The following FANCA variants were observed in gnomAD, a reference collection of about 807,000 sequenced individuals.
FANCA encodes the protein Fanconi anemia group A protein.
A neutral mutation model predicts 194.3 loss-of-function variants in FANCA; 236 were observed. That is an observed-to-expected ratio of 1.21 (90% CI 1.09 to 1.35). FANCA has a LOEUF of 1.35. Among genes scored for constraint, FANCA ranks in the 40% most tolerant of loss-of-function variants. The probability of loss-of-function intolerance (pLI) is 0.00; values close to 1 mark genes in which losing one functional copy is unlikely to be tolerated. For synonymous variants in FANCA, 1,014 were observed against 715.8 expected (o/e 1.42, Z -6.65); for missense variants, 2,628 against 1,813.9 (o/e 1.45, Z -8.15).
At chr16:89,762,783 A>G in intron 28 of FANCA, 1 of 451,164 alleles carries the variant, frequency 2.2e-6, no homozygotes, top group Non-Finnish European at 4.4e-6. Context: ...GGTGCACATC[A>G]CCATGACCAG....
chr16:89,812,104 G>C (rs1395991965), intron 3 of FANCA, among the ~76,000 whole-genome samples: 3 of 150,370 alleles, frequency 2.0e-5, no homozygotes, highest in African/African-American at 7.3e-5. Flanking sequence ...GGGAGGCCGA[G>C]GCGGGCGGAT....
At chr16:89,743,615 G>A (rs1598064630) in intron 36 of FANCA, among the ~76,000 whole-genome samples, 1 of 152,116 alleles carries the variant, frequency 6.6e-6, no homozygotes, top group East Asian at 1.9e-4. Context: ...CCTGAGGTCG[G>A]GAGTTCGAGA....
chr16:89,796,750 C>T (rs953957212), intron 10 of FANCA, among the ~76,000 whole-genome samples: 8 of 152,136 alleles, frequency 5.3e-5, no homozygotes, highest in Non-Finnish European at 1.2e-4. Flanking sequence ...CAGCCGGGCA[C>T]GGTGGCTCAT....
chr16:89,799,467 G>C (rs2040365092), intron 9 of FANCA, 138 bp downstream of exon 9: 2 of 1,006,224 alleles, frequency 2.0e-6, no homozygotes, highest in South Asian at 1.3e-5. Context: ...GCCAAAACAA[G>C]GGCATTCCAG....
chr16:89,786,550 C>T (rs1020061299), intron 14 of FANCA, among the ~76,000 whole-genome samples: 2 of 152,132 alleles, frequency 1.3e-5, no homozygotes, highest in Non-Finnish European at 2.9e-5. Context: ...CTCCTGACCT[C>T]AAGTGATCCA....
At chr16:89,757,419 G>A (rs1354154348) in intron 30 of FANCA, among the ~76,000 whole-genome samples, 2 of 152,190 alleles carry the variant, frequency 1.3e-5, no homozygotes, top group East Asian at 1.9e-4. Context: ...TAAGAAGGAA[G>A]GGTATGCTGA....
chr16:89,765,179 A>C, intron 27 of FANCA, 113 bp from the exon 28 acceptor site: 10 of 1,225,928 alleles, frequency 8.2e-6, no homozygotes, highest in Middle Eastern at 2.0e-4. Flanking sequence ...ACAACCCCAC[A>C]TTCAGAGGAC....
At chr16:89,747,075 G>A (rs1163594862) in intron 33 of FANCA, among the ~76,000 whole-genome samples, 185 bp from the exon 34 acceptor site, 2 of 152,184 alleles carry the variant, frequency 1.3e-5, no homozygotes, top group South Asian at 2.1e-4. Context: ...GAAACTTAAC[G>A]GCTTCCCTGG....
At chr16:89,744,345 C>T (rs17227256) in intron 36 of FANCA, among the ~76,000 whole-genome samples, 16 of 152,188 alleles carry the variant, frequency 1.1e-4, no homozygotes, top group African/African-American at 3.1e-4. Flanking sequence ...CTTAAGAACA[C>T]GGCACCCACA....
intron 30 of FANCA, among the ~76,000 whole-genome samples, chr16:89,758,246 A>C (rs767330971): frequency 1.3e-5 from 2 of 152,212 alleles, no homozygotes; most frequent in African/African-American, 4.8e-5. Flanking sequence ...TAGATTTGCT[A>C]TGTGATAGGC....
chr16:89,744,834 C>T, intron 36 of FANCA, 125 bp downstream of exon 36: 1 of 876,920 alleles, frequency 1.1e-6, no homozygotes, highest in Non-Finnish European at 1.8e-6. Context: ...TTCTTTTCTC[C>T]CTGCTCACAC....
chr16:89,782,240 G>A (rs937916435), intron 17 of FANCA, among the ~76,000 whole-genome samples: 1 of 149,312 alleles, frequency 6.7e-6, no homozygotes, highest in African/African-American at 2.5e-5. Context: ...AGCCAGGCGT[G>A]GTGGCGGGCG....
At chr16:89,807,449 T>A (rs951148596) in intron 6 of FANCA, among the ~76,000 whole-genome samples, 4 of 149,982 alleles carry the variant, frequency 2.7e-5, no homozygotes, top group African/African-American at 9.8e-5. Flanking sequence ...CAGGTCTCTG[T>A]CTCAAAAAGA....
At chr16:89,815,813 G>T in intron 2 of FANCA, 64 bp downstream of exon 2, 2 of 1,247,390 alleles carry the variant, frequency 1.6e-6, no homozygotes, top group Non-Finnish European at 2.4e-6. Flanking sequence ...AAAGCTGTGC[G>T]GTGGCTGGAC....
At chr16:89,777,727 C>T (rs1057274519) in intron 20 of FANCA, among the ~76,000 whole-genome samples, 1 of 151,996 alleles carries the variant, frequency 6.6e-6, no homozygotes, top group African/African-American at 2.4e-5. Flanking sequence ...GTAAGTGATC[C>T]AAGGATACCT....
Position 89,781,929 on chromosome 16 carries a change from C to T in FANCA, c.1626+930G>A, listed in dbSNP as rs905097295. Among the ~76,000 whole-genome samples, 16 of 149,506 alleles carry T rather than the reference C, an allele frequency of 1.1e-4. 1 individual carries two copies. Among genetic ancestry groups the T allele is most frequent in the Non-Finnish European group, 2.2e-4 (15 of 67,518 alleles). On this transcript the variant is annotated intron_variant, in intron 17 of 42. Transcript: ENST00000389301. The stretch of plus-strand genomic sequence containing the variant: ...GGCTGAGGCAGGAGAATGGCGTGAA[C>T]CCAGGAGGCAGAGCTTGCAGTGAGC...
rs1393944556 is a variant in FANCA at position 89,779,759 on chromosome 16, A to C, written c.1715+110T>G. The C allele has an allele frequency of 2.1e-5, 19 of 898,860 alleles. No individual in the cohort carries two copies. The East Asian group carries it at 4.7e-4, about 22-fold the overall frequency. The allele number at this position is 898,860 out of a possible 1,614,324, so 55.7% of individuals were successfully genotyped here. On this transcript the variant is annotated intron_variant, in intron 18 of 42. Coordinates refer to ENST00000389301, the MANE Select transcript of FANCA (RefSeq NM_000135.4). ...CAGACGCTGGCAGGCATCAGAGCGGAGTCTGCACACCCTGCAGGCATCAGA... is the reference window on the plus strand; with the variant it reads ...CAGACGCTGGCAGGCATCAGAGCGGCGTCTGCACACCCTGCAGGCATCAGA...
At chr16:89,783,218 C>T (rs1469528802) in intron 15 of FANCA, 116 bp from the exon 16 acceptor site, 8 of 795,248 alleles carry the variant, frequency 1.0e-5, no homozygotes, top group African/African-American at 6.8e-5. Context: ...CAGCCCTTTA[C>T]AGTCAGACTT....
Position 89,740,818 on chromosome 16 carries a change from G to GT in FANCA, c.3813dup (p.His1272ThrfsTer6), listed in dbSNP as rs1555534521. ...GTCTGACTTACATTTGAGGTCAGAT[G>GT]TGACGACAGCAGGCCCATCAAGGAG... is the stretch of plus-strand genomic sequence containing the variant. On this transcript the variant is annotated frameshift_variant, in exon 38 of 43. Transcript: ENST00000389301. LOFTEE classifies it high-confidence loss of function. The GT allele has an allele frequency of 6.2e-7, 1 of 1,613,536 alleles. No homozygotes were observed. The highest frequency in any genetic ancestry group is 1.3e-5 in the African/African-American group (1 of 74,904).
Sources: allele counts gnomAD v4.1 joint callset (sites outside exome capture counted in the v4.1 genomes callset), GRCh38; gene constraint gnomAD v4.1.1; transcripts MANE v1.5; gene names NCBI Gene and HGNC (gene_info 2026-07-23, HGNC 2026-07-21).